The following NPAS3 variants were observed in gnomAD, a reference collection of about 807,000 sequenced individuals.
The protein encoded by NPAS3 is neuronal PAS domain-containing protein 3.
A neutral mutation model predicts 73.1 loss-of-function variants in NPAS3; 14 were observed. The observed-to-expected ratio is 0.19, with a 90% CI of 0.13 to 0.30. The LOEUF (loss-of-function observed/expected upper bound fraction) is 0.30, where lower values mean the gene tolerates loss of function less well. Among genes scored for constraint, NPAS3 ranks in the 10% least tolerant of loss-of-function variants. The pLI, the probability that NPAS3 is intolerant of heterozygous loss-of-function variation, is 1.00. For missense variants in NPAS3, 1,096 were observed against 1,250.0 expected, an observed-to-expected ratio of 0.88 and a Z score of 1.86; for synonymous variants, 620 against 541.5, an observed-to-expected ratio of 1.14 and a Z score of -2.01.
chr14:33,793,852 A>G, intron 9 of NPAS3, 45 bp from the exon 10 acceptor site: 1 of 1,544,228 alleles, frequency 6.5e-7, no homozygotes, highest in South Asian at 1.2e-5. Flanking sequence ...AAGTTATTTG[A>G]TCCCAGTCTT....
chr14:32,990,004 A>G (rs971055533), intron 1 of NPAS3, among the ~76,000 whole-genome samples: 2 of 152,186 alleles, frequency 1.3e-5, no homozygotes, highest in African/African-American at 4.8e-5. Context: ...GTGAATGGAT[A>G]TGAGGGGTGA....
At chr14:33,488,550 C>A (rs888323729) in intron 4 of NPAS3, among the ~76,000 whole-genome samples, 2 of 152,140 alleles carry the variant, frequency 1.3e-5, no homozygotes, top group Admixed American at 1.3e-4. Flanking sequence ...TGATATTTTT[C>A]TTTTCTGTTA....
At chr14:33,216,441 A>G (rs894844808) in intron 3 of NPAS3, among the ~76,000 whole-genome samples, 2 of 152,150 alleles carry the variant, frequency 1.3e-5, no homozygotes, top group African/African-American at 4.8e-5. Context: ...ATTATTTACA[A>G]TTTTGTGCTA....
chr14:33,311,382 A>G (rs1236594646), intron 3 of NPAS3, among the ~76,000 whole-genome samples: 4 of 152,254 alleles, frequency 2.6e-5, no homozygotes, highest in Middle Eastern at 6.8e-3. Context: ...TTCCTCTGGT[A>G]TATTAGTGGT....
At chr14:33,463,050 G>C (rs1351372944) in intron 4 of NPAS3, among the ~76,000 whole-genome samples, 1 of 152,142 alleles carries the variant, frequency 6.6e-6, no homozygotes, top group Non-Finnish European at 1.5e-5. Context: ...AGCTCACTGC[G>C]AGGACTGAGG....
chr14:33,344,574 G>A (rs1030160072), intron 3 of NPAS3, among the ~76,000 whole-genome samples: 1 of 152,118 alleles, frequency 6.6e-6, no homozygotes, highest in African/African-American at 2.4e-5. Flanking sequence ...AATATGCACT[G>A]TGTAAATGAA....
chr14:32,951,241 G>A (rs1404563244), intron 1 of NPAS3, among the ~76,000 whole-genome samples: 1 of 152,090 alleles, frequency 6.6e-6, no homozygotes, highest in Admixed American at 6.6e-5. Context: ...CTATGATTAT[G>A]TGATTTGAAT....
At chr14:32,979,691 T>C (rs8003608) in intron 1 of NPAS3, among the ~76,000 whole-genome samples, 1 of 152,142 alleles carries the variant, frequency 6.6e-6, no homozygotes, top group Admixed American at 6.5e-5. Flanking sequence ...ATGCATCATA[T>C]TACAATGAAT....
intron 1 of NPAS3, among the ~76,000 whole-genome samples, chr14:33,020,614 A>G (rs1375143905): frequency 6.6e-6 from 1 of 152,156 alleles, no homozygotes; most frequent in East Asian, 1.9e-4. Context: ...AGTGCCTCTC[A>G]GAATCTCATT....
intron 9 of NPAS3, among the ~76,000 whole-genome samples, chr14:33,789,330 C>T (rs542295280): frequency 6.6e-6 from 1 of 152,130 alleles, no homozygotes; most frequent in Non-Finnish European, 1.5e-5. Flanking sequence ...CCAACAAGAG[C>T]CTCCTGGTTT....
chr14:33,555,202 T>C (rs1379242832), intron 4 of NPAS3, among the ~76,000 whole-genome samples: 1 of 152,206 alleles, frequency 6.6e-6, no homozygotes, highest in Non-Finnish European at 1.5e-5. Context: ...CTTTAAAATG[T>C]CTGTTTTACT....
intron 4 of NPAS3, among the ~76,000 whole-genome samples, chr14:33,484,998 T>C (rs1050947689): frequency 1.3e-5 from 2 of 152,186 alleles, no homozygotes; most frequent in African/African-American, 4.8e-5. Context: ...TTTTAATATG[T>C]GGATGGAACT....
intron 9 of NPAS3, among the ~76,000 whole-genome samples, chr14:33,779,175 C>T (rs2062907588): frequency 6.6e-6 from 1 of 152,246 alleles, no homozygotes; most frequent in Non-Finnish European, 1.5e-5. Flanking sequence ...TATCTCAGCT[C>T]TTTGAATATG....
chr14:33,044,253 G>T (rs754072024), intron 1 of NPAS3, among the ~76,000 whole-genome samples: 3 of 152,268 alleles, frequency 2.0e-5, no homozygotes, highest in African/African-American at 7.2e-5. Context: ...CTGATTGGGG[G>T]TAATTTATTG....
intron 9 of NPAS3, among the ~76,000 whole-genome samples, chr14:33,782,847 TTAAG>T (rs1348850022): frequency 1.4e-5 from 2 of 146,798 alleles, no homozygotes; most frequent in Non-Finnish European, 1.5e-5. Context: ...AAACAGTAGC[TTAAG>T]TGTTTATTTC....
At chr14:33,073,813 GT>G (rs767939699) in intron 2 of NPAS3, among the ~76,000 whole-genome samples, 40 of 152,326 alleles carry the variant, frequency 2.6e-4, no homozygotes, top group Non-Finnish European at 5.3e-4. Flanking sequence ...TAACCTCTGT[GT>G]TTGCATGGAG....
chr14:33,683,234 T>C (rs972511264), intron 6 of NPAS3, among the ~76,000 whole-genome samples: 23 of 152,154 alleles, frequency 1.5e-4, no homozygotes, highest in African/African-American at 5.3e-4. Flanking sequence ...CAGCATTCTT[T>C]TTCCAAATCT....
At chr14:33,383,891 C>A (rs898317575) in intron 4 of NPAS3, among the ~76,000 whole-genome samples, 1 of 151,934 alleles carries the variant, frequency 6.6e-6, no homozygotes, top group African/African-American at 2.4e-5. Context: ...TATAATCTGC[C>A]GCTATATTTG....
chr14:33,428,796 G>A lies in NPAS3; in HGVS notation c.468+61528G>A, dbSNP rs534953248. ...CTATGATTGTCATTGATTTGTATAA[G>A]ATGAGCAATCTTCTTTTCCAGGCTA... On this transcript the variant is annotated intron_variant, in intron 4 of 11. Coordinates refer to ENST00000356141, the Ensembl canonical transcript of NPAS3. Among the ~76,000 whole-genome samples, 7 of 152,148 alleles carry A rather than the reference G, an allele frequency of 4.6e-5. No homozygotes were observed. The South Asian group carries it at 1.5e-3, about 32-fold the overall frequency.
Sources: gnomAD v4.1 joint callset for allele counts (sites outside exome capture counted in the v4.1 genomes callset) on GRCh38, gnomAD v4.1.1 for gene constraint, MANE v1.5 for transcripts, NCBI Gene and HGNC (gene_info 2026-07-23, HGNC 2026-07-21) for gene names.